Variants in KYNU observed in about 807,000 individuals in gnomAD.
The protein encoded by KYNU is kynureninase, also known as L-kynurenine hydrolase.
A neutral mutation model predicts 59.2 loss-of-function variants in KYNU; 54 were observed. The observed-to-expected ratio is 0.91, with a 90% CI of 0.73 to 1.14. KYNU has a LOEUF of 1.14. Among genes scored for constraint, KYNU ranks in the 50% most tolerant of loss-of-function variants. The probability of loss-of-function intolerance (pLI) is 0.00; values close to 1 mark genes in which losing one functional copy is unlikely to be tolerated. For synonymous variants in KYNU, 177 were observed against 192.0 expected (o/e 0.92, Z 0.65); for missense variants, 567 against 554.4 (o/e 1.02, Z -0.23).
chr2:142,994,351 A>G (rs180965810), intron 10 of KYNU, among the ~76,000 whole-genome samples: 294 of 152,156 alleles, frequency 1.9e-3, no homozygotes, highest in Middle Eastern at 6.8e-3. Context: ...CTCACAACAA[A>G]CTTCTAAACC....
intron 10 of KYNU, among the ~76,000 whole-genome samples, chr2:143,018,192 G>A (rs1005083925): frequency 5.3e-5 from 8 of 152,094 alleles, no homozygotes; most frequent in African/African-American, 1.7e-4. Flanking sequence ...TGCTTTTGAG[G>A]ACTCAGTCAT....
intron 1 of KYNU, among the ~76,000 whole-genome samples, chr2:142,884,688 C>CTTTTTTTTTTTTTTTTTTTTTTTTTT (rs70997529): frequency 2.6e-5 from 2 of 77,020 alleles, no homozygotes; most frequent in Admixed American, 3.8e-4. Context: ...TTCTCTTTTC[C>CTTTTTTTTTTTTTTTTTTTTTTTTTT]TTTTTTTTTT....
At chr2:143,030,692 G>T (rs759078968) in intron 11 of KYNU, among the ~76,000 whole-genome samples, 2 of 151,886 alleles carry the variant, frequency 1.3e-5, no homozygotes, top group South Asian at 4.2e-4. Flanking sequence ...ATGAGGTCTT[G>T]CTATGTTGTC....
intron 10 of KYNU, among the ~76,000 whole-genome samples, chr2:142,986,318 T>A (rs1459764157): frequency 6.6e-6 from 1 of 151,926 alleles, no homozygotes; most frequent in African/African-American, 2.4e-5. Flanking sequence ...ATATTTTTTT[T>A]CAAAAATTAG....
intron 2 of KYNU, among the ~76,000 whole-genome samples, chr2:142,894,012 G>C (rs1472907346): frequency 6.6e-6 from 1 of 152,142 alleles, no homozygotes; most frequent in African/African-American, 2.4e-5. Flanking sequence ...TTTCACCTTT[G>C]CCTGGGACAA....
intron 4 of KYNU, among the ~76,000 whole-genome samples, chr2:142,933,253 T>C (rs1683286372): frequency 6.6e-6 from 1 of 152,138 alleles, no homozygotes; most frequent in South Asian, 2.1e-4. Flanking sequence ...TAGACTGGGT[T>C]AGAACACCTA....
Position 143,052,707 on chromosome 2 carries a change from G to C in KYNU, c.*10535G>C, listed in dbSNP as rs979608766. 3 of 152,300 alleles carry C rather than the reference G, an allele frequency of 2.0e-5. No homozygotes were observed. The highest frequency in any genetic ancestry group is 7.2e-5 in the African/African-American group (3 of 41,470). 9.4% of individuals were successfully genotyped at this position (152,300 alleles called of 1,614,324 possible). A position where few individuals can be genotyped will look rare whatever the true frequency, so the allele number is the denominator to read the frequency against. On this transcript the variant is annotated 3_prime_UTR_variant, in exon 14 of 14. Transcript: ENST00000264170. Reference sequence around the variant, plus strand: ...TGGGAACTTACACCAAGATTTCAGAGGATGTATGGAAATGCCTGGATGCCC... The same window carrying C: ...TGGGAACTTACACCAAGATTTCAGACGATGTATGGAAATGCCTGGATGCCC...
At chr2:142,884,712 T>C (rs1164679782) in intron 1 of KYNU, among the ~76,000 whole-genome samples, 12 of 107,630 alleles carry the variant, frequency 1.1e-4, no homozygotes, top group Admixed American at 1.0e-4. Context: ...TTTTTTTTTT[T>C]GGTTTGTGTT....
At chr2:142,973,102 A>G (rs894630835) in intron 8 of KYNU, among the ~76,000 whole-genome samples, 12 of 150,478 alleles carry the variant, frequency 8.0e-5, no homozygotes, top group African/African-American at 2.4e-4. Context: ...TATACACATT[A>G]TATATATTTT....
chr2:142,997,336 A>G (rs926526950), intron 10 of KYNU, among the ~76,000 whole-genome samples: 6 of 152,214 alleles, frequency 3.9e-5, no homozygotes, highest in African/African-American at 1.4e-4. Flanking sequence ...AGAGGATGCT[A>G]GGATGACAGA....
intron 3 of KYNU, among the ~76,000 whole-genome samples, chr2:142,920,182 G>T (rs1416336856): frequency 1.3e-5 from 2 of 152,184 alleles, no homozygotes; most frequent in African/African-American, 4.8e-5. Flanking sequence ...ACAACTTGAT[G>T]TAAGAATGAT....
chr2:142,956,262 C>T lies in KYNU; in HGVS notation c.495C>T (p.Phe165=). 1 of 1,597,266 alleles carries T rather than the reference C, an allele frequency of 6.3e-7. No individual in the cohort carries two copies. Among genetic ancestry groups the T allele is most frequent in the African/African-American group, 1.3e-5 (1 of 74,666 alleles). ...AAATTCTTCTAGAAGCCAAAGCCTT[C>T]CCTTCTGATCATGTAAGGACTTCTT... The part of the protein sequence containing the change: ...RYKILLEAKA[F]PSDHYAIESQ... Residue 165 remains phenylalanine, a synonymous_variant, in exon 6 of 14, where the codon TTC becomes TTT. Coordinates refer to ENST00000264170, the MANE Select transcript of KYNU (RefSeq NM_003937.3).
intron 2 of KYNU, among the ~76,000 whole-genome samples, chr2:142,897,739 C>T (rs991344089): frequency 5.3e-5 from 8 of 152,024 alleles, no homozygotes; most frequent in Admixed American, 6.6e-5. Flanking sequence ...CTCAAATGAA[C>T]AGTCATAATA....
intron 2 of KYNU, among the ~76,000 whole-genome samples, chr2:142,892,753 ATTAAC>A (rs1374708258): frequency 1.3e-5 from 2 of 152,238 alleles, no homozygotes; most frequent in Non-Finnish European, 2.9e-5. Context: ...CACTGATACA[ATTAAC>A]TTGTTTTGGA....
intron 3 of KYNU, among the ~76,000 whole-genome samples, chr2:142,927,236 C>A (rs931020842): frequency 6.6e-5 from 10 of 152,082 alleles, no homozygotes; most frequent in African/African-American, 2.4e-4. Context: ...ATTAAATTTA[C>A]AGATTATAGC....
intron 8 of KYNU, among the ~76,000 whole-genome samples, chr2:142,980,395 A>T (rs1157472783): frequency 6.6e-6 from 1 of 151,860 alleles, no homozygotes; most frequent in Admixed American, 6.6e-5. Context: ...CTCCTATCTC[A>T]TCCTGTGACT....
chr2:142,944,455 A>G (rs1392051082), intron 4 of KYNU, among the ~76,000 whole-genome samples: 1 of 152,218 alleles, frequency 6.6e-6, no homozygotes, highest in Non-Finnish European at 1.5e-5. Context: ...GCTCACACTC[A>G]TCTCAGAAGT....
At chr2:143,028,113 G>T (rs916336175) in intron 10 of KYNU, among the ~76,000 whole-genome samples, 1 of 151,442 alleles carries the variant, frequency 6.6e-6, no homozygotes, top group African/African-American at 2.4e-5. Flanking sequence ...GAAGCAACAT[G>T]ATATTTCTCT....
intron 11 of KYNU, among the ~76,000 whole-genome samples, chr2:143,032,991 T>C (rs1234095725): frequency 6.6e-6 from 1 of 152,042 alleles, no homozygotes; most frequent in African/African-American, 2.4e-5. Flanking sequence ...AAGAGGTCAT[T>C]TTTACCTTGG....
Sources: allele counts gnomAD v4.1 joint callset (sites outside exome capture counted in the v4.1 genomes callset), GRCh38; gene constraint gnomAD v4.1.1; transcripts MANE v1.5; gene names NCBI Gene and HGNC (gene_info 2026-07-23, HGNC 2026-07-21).